SAE1: variants seen among roughly 807,000 people sequenced by gnomAD.
SAE1 encodes SUMO-activating enzyme subunit 1.
In SAE1, 11 loss-of-function variants were observed where a neutral mutation model predicts 40.6. The observed-to-expected ratio is 0.27, with a 90% confidence interval of 0.17 to 0.45. The LOEUF (loss-of-function observed/expected upper bound fraction) is 0.45, where lower values mean the gene tolerates loss of function less well. Among genes scored for constraint, SAE1 ranks in the 20% least tolerant of loss-of-function variants. The pLI, the probability that SAE1 is intolerant of heterozygous loss-of-function variation, is 1.00. For synonymous variants in SAE1, 155 were observed against 154.3 expected, an observed-to-expected ratio of 1.00 and a Z score of -0.03; for missense variants, 373 against 427.3, an observed-to-expected ratio of 0.87 and a Z score of 1.12.
intron 1 of SAE1, among the ~76,000 whole-genome samples, chr19:47,134,081 T>G (rs1392812167): frequency 1.3e-5 from 2 of 152,026 alleles, no homozygotes; most frequent in Non-Finnish European, 2.9e-5. Context: ...CAGGCTGGTG[T>G]TGAACCCCTG....
chr19:47,182,989 C>T (rs2058520669), intron 6 of SAE1, among the ~76,000 whole-genome samples: 1 of 152,128 alleles, frequency 6.6e-6, no homozygotes, highest in African/African-American at 2.4e-5. Flanking sequence ...AATCTTGGCT[C>T]ACTGCAACCT....
chr19:47,190,753 T>C (rs1296845053), intron 6 of SAE1, among the ~76,000 whole-genome samples: 4 of 152,212 alleles, frequency 2.6e-5, no homozygotes, highest in African/African-American at 9.6e-5. Flanking sequence ...TATTTCTTCC[T>C]AAGAGGAAGC....
chr19:47,150,519 A>G (rs1323381245), intron 3 of SAE1, 144 bp downstream of exon 3: 5 of 661,408 alleles, frequency 7.6e-6, no homozygotes, highest in South Asian at 4.1e-5. Flanking sequence ...AAGCTGTTCT[A>G]TTGTTTAGGC....
chr19:47,193,520 T>C (rs2058592961), intron 6 of SAE1, among the ~76,000 whole-genome samples: 1 of 151,932 alleles, frequency 6.6e-6, no homozygotes, highest in Non-Finnish European at 1.5e-5. Context: ...TCTTTCCTTT[T>C]TTTTTTTAAA....
intron 5 of SAE1, among the ~76,000 whole-genome samples, 196 bp downstream of exon 5, chr19:47,155,409 G>T (rs893629171): frequency 8.5e-5 from 13 of 152,080 alleles, no homozygotes; most frequent in Admixed American, 7.9e-4. Flanking sequence ...ATTCCAGATG[G>T]GATTTTTCAA....
intron 2 of SAE1, among the ~76,000 whole-genome samples, chr19:47,145,009 G>T (rs1011530370): frequency 7.0e-6 from 1 of 143,446 alleles, no homozygotes; most frequent in Admixed American, 7.0e-5. Flanking sequence ...GTTTTGTTTT[G>T]TTTTTTTTTT....
chr19:47,140,147 C>T (rs1421687509), intron 1 of SAE1, among the ~76,000 whole-genome samples: 2 of 149,960 alleles, frequency 1.3e-5, no homozygotes, highest in Non-Finnish European at 3.0e-5. Context: ...TGTTCTGTTG[C>T]CCAGGATGGA....
At chr19:47,191,746 T>C (rs770891514) in intron 6 of SAE1, among the ~76,000 whole-genome samples, 42 of 152,192 alleles carry the variant, frequency 2.8e-4, no homozygotes, top group Middle Eastern at 6.8e-3. Flanking sequence ...TTTTCATCTT[T>C]TGGTTTGAAA....
intron 1 of SAE1, among the ~76,000 whole-genome samples, chr19:47,141,348 G>C (rs1159938423): frequency 6.6e-6 from 1 of 151,908 alleles, no homozygotes; most frequent in Non-Finnish European, 1.5e-5. Context: ...CACCATGTTG[G>C]ACAGGCTGGT....
intron 8 of SAE1, among the ~76,000 whole-genome samples, chr19:47,205,691 A>G (rs1339925773): frequency 1.3e-5 from 2 of 152,212 alleles, no homozygotes; most frequent in Non-Finnish European, 2.9e-5. Flanking sequence ...AATAATAGAC[A>G]AGACTTACTG....
At chr19:47,193,531 GA>G in intron 6 of SAE1, among the ~76,000 whole-genome samples, 1 of 149,338 alleles carries the variant, frequency 6.7e-6, no homozygotes, top group African/African-American at 2.5e-5. Context: ...TTTTTTTAAA[GA>G]AATTACCAGC....
At chr19:47,164,641 T>G (rs1195657402) in intron 5 of SAE1, among the ~76,000 whole-genome samples, 1 of 84,094 alleles carries the variant, frequency 1.2e-5, no homozygotes, top group Middle Eastern at 4.7e-3. Context: ...GAATTCACCT[T>G]TTTTTTTTTT....
At chr19:47,153,516 G>A (rs1290644479) in intron 4 of SAE1, among the ~76,000 whole-genome samples, 3 of 152,054 alleles carry the variant, frequency 2.0e-5, no homozygotes, top group Admixed American at 2.0e-4. Flanking sequence ...TATGAGTTAG[G>A]TATTTTGGCT....
intron 7 of SAE1, among the ~76,000 whole-genome samples, chr19:47,200,980 C>T (rs1025164913): frequency 6.6e-6 from 1 of 151,940 alleles, no homozygotes; most frequent in Admixed American, 6.6e-5. Flanking sequence ...GCCTCAGCCT[C>T]CTGAGTAGCT....
At chr19:47,189,854 A>G (rs925284105) in intron 6 of SAE1, among the ~76,000 whole-genome samples, 12 of 152,192 alleles carry the variant, frequency 7.9e-5, no homozygotes, top group Non-Finnish European at 1.8e-4. Context: ...AGTTAAATGT[A>G]ATAGAAGTTT....
intron 5 of SAE1, among the ~76,000 whole-genome samples, chr19:47,166,592 A>C (rs1347299851): frequency 2.0e-5 from 3 of 152,118 alleles, no homozygotes; most frequent in Non-Finnish European, 4.4e-5. Context: ...ATAGTAGCCT[A>C]ACATATTAGT....
At chr19:47,153,091 T>A in intron 4 of SAE1, 51 bp downstream of exon 4, 1 of 790,856 alleles carries the variant, frequency 1.3e-6, no homozygotes, top group Non-Finnish European at 1.8e-6. Context: ...CTTTTTATAC[T>A]TTTTTTTTTT....
chr19:47,172,587 C>G (rs2058441152), intron 6 of SAE1, among the ~76,000 whole-genome samples: 1 of 151,866 alleles, frequency 6.6e-6, no homozygotes, highest in East Asian at 1.9e-4. Context: ...GCCTGTAATC[C>G]CAGCTACTCG....
intron 1 of SAE1, among the ~76,000 whole-genome samples, chr19:47,141,400 C>T (rs903598301): frequency 6.6e-6 from 1 of 152,134 alleles, no homozygotes; most frequent in Non-Finnish European, 1.5e-5. Flanking sequence ...TCTCAGCCTC[C>T]CAAAGTGCTG....
Sources: gnomAD v4.1 joint callset for allele counts (sites outside exome capture counted in the v4.1 genomes callset) on GRCh38, gnomAD v4.1.1 for gene constraint, MANE v1.5 for transcripts, NCBI Gene and HGNC (gene_info 2026-07-23, HGNC 2026-07-21) for gene names.